CCN5: variants seen among roughly 807,000 people sequenced by gnomAD.
The protein encoded by CCN5 is CCN family member 5.
A neutral mutation model predicts 18.7 loss-of-function variants in CCN5; 17 were observed. The observed-to-expected ratio is 0.91, with a 90% CI of 0.62 to 1.36. The LOEUF (loss-of-function observed/expected upper bound fraction) is 1.36. CCN5 is among the 40% of genes most tolerant of loss of function. The probability of loss-of-function intolerance (pLI) is 0.00; values close to 1 mark genes in which losing one functional copy is unlikely to be tolerated. For missense variants in CCN5, 367 were observed against 342.9 expected (o/e 1.07, Z -0.56); for synonymous variants, 135 against 145.2 (o/e 0.93, Z 0.50).
At position 44,727,176 on chromosome 20, in the gene CCN5, T is replaced by G; in HGVS notation, c.622T>G (p.Cys208Gly). 1 of 1,613,960 alleles carries G rather than the reference T, an allele frequency of 6.2e-7. No individual in the cohort carries two copies. The highest frequency in any genetic ancestry group is 8.5e-7 in the Non-Finnish European group (1 of 1,180,014). The change falls in exon 4 of 4, where the codon TGT becomes GGT. Residue 208 changes from cysteine to glycine, a missense_variant. Cys to Gly is a radical substitution (Grantham distance 159). Coordinates refer to ENST00000190983, the MANE Select transcript of CCN5 (RefSeq NM_003881.4). ...STAWGPCSTT[C>G]GLGMATRVSN... ...GGCCTGGGGACCCTGCTCGACCACCTGTGGGCTGGGCATGGCCACCCGGGT... is the reference window on the plus strand; with the variant it reads ...GGCCTGGGGACCCTGCTCGACCACCGGTGGGCTGGGCATGGCCACCCGGGT...
chr20:44,721,769 G>A (rs2065901720), intron 2 of CCN5, among the ~76,000 whole-genome samples: 1 of 152,136 alleles, frequency 6.6e-6, no homozygotes, highest in South Asian at 2.1e-4. Flanking sequence ...GACACTGAGG[G>A]TTTCACAAAT....
chr20:44,715,444 C>A lies in CCN5; in HGVS notation c.54C>A (p.Leu18=). 1 of 1,594,634 alleles carries A rather than the reference C, an allele frequency of 6.3e-7. No homozygotes were observed. Among genetic ancestry groups the A allele is most frequent in the East Asian group, 2.3e-5 (1 of 44,180 alleles). The part of the protein sequence containing the change: ...HLLAFSLLCL[L]SKVRTQLCPT... ...TGGCCTTCTCCCTCCTCTGCCTCCT[C>A]TCAAAGGTAAGGAGGCCCGGGCCCT... is the stretch of plus-strand genomic sequence containing the variant. Residue 18 remains leucine, a synonymous_variant, in exon 1 of 4, where the codon CTC becomes CTA. Coordinates refer to ENST00000190983, the MANE Select transcript of CCN5 (RefSeq NM_003881.4).
intron 1 of CCN5, among the ~76,000 whole-genome samples, chr20:44,715,776 T>C (rs1378803202): frequency 6.6e-6 from 1 of 152,226 alleles, no homozygotes; most frequent in Non-Finnish European, 1.5e-5. Flanking sequence ...AAGAGGACTT[T>C]AATGTATCCT....
chr20:44,717,894 AAAAAAGAAAG>A lies in CCN5; in HGVS notation c.61-1993_61-1984del, dbSNP rs551595024. On this transcript the variant is annotated intron_variant, in intron 1 of 3. Transcript: ENST00000190983. ...ACTCCATCTCAAAAAAGAAAAAAAA[AAAAAAGAAAG>A]AAAAAGAAAAGAAAATGCAGATTCG... Among the ~76,000 whole-genome samples, 877 of 151,874 alleles carry A rather than the reference AAAAAAGAAAG, an allele frequency of 5.8e-3. 6 individuals carry two copies. Among genetic ancestry groups the A allele is most frequent in the African/African-American group, 0.017 (702 of 41,446 alleles).
intron 1 of CCN5, among the ~76,000 whole-genome samples, 166 bp from the exon 2 acceptor site, chr20:44,719,731 C>T (rs1014994778): frequency 4.6e-5 from 7 of 152,248 alleles, no homozygotes; most frequent in African/African-American, 1.7e-4. Context: ...CATACTGCCT[C>T]TTAGGGCATG....
intron 2 of CCN5, among the ~76,000 whole-genome samples, chr20:44,723,155 C>T (rs2145417677): frequency 6.6e-6 from 1 of 152,188 alleles, no homozygotes; most frequent in East Asian, 2.0e-4. Flanking sequence ...CTTGCTGTTC[C>T]TTAAATACCC....
At chr20:44,718,237 G>A (rs991087971) in intron 1 of CCN5, among the ~76,000 whole-genome samples, 2 of 152,234 alleles carry the variant, frequency 1.3e-5, no homozygotes, top group Admixed American at 6.5e-5. Context: ...CCTAGTGGCC[G>A]GCGTGGGAGT....
At chr20:44,724,571 G>A (rs374845675) in intron 2 of CCN5, 167 bp from the exon 3 acceptor site, 17 of 1,066,564 alleles carry the variant, frequency 1.6e-5, no homozygotes, top group South Asian at 1.3e-4. Context: ...GGGTGCCCCA[G>A]CAGGCTGGTG....
intron 2 of CCN5, among the ~76,000 whole-genome samples, chr20:44,722,750 A>G (rs2065908892): frequency 6.6e-6 from 1 of 152,090 alleles, no homozygotes; most frequent in Non-Finnish European, 1.5e-5. Context: ...CTGGGATTAT[A>G]GGTATGAGCC....
chr20:44,722,938 G>T (rs1047120690), intron 2 of CCN5, among the ~76,000 whole-genome samples: 1 of 152,002 alleles, frequency 6.6e-6, no homozygotes, highest in Non-Finnish European at 1.5e-5. Flanking sequence ...GTTGCCCCTG[G>T]TCTATTCACA....
intron 3 of CCN5, among the ~76,000 whole-genome samples, chr20:44,726,812 C>A (rs114331525): frequency 6.6e-6 from 1 of 152,072 alleles, no homozygotes; most frequent in East Asian, 1.9e-4. Context: ...GACGAGAAAA[C>A]CATGGTTCAC....
At chr20:44,723,174 CT>C (rs772153711) in intron 2 of CCN5, among the ~76,000 whole-genome samples, 1 of 152,132 alleles carries the variant, frequency 6.6e-6, no homozygotes, top group Non-Finnish European at 1.5e-5. Context: ...CCCAGGCACA[CT>C]CGTGCCTCAG....
At chr20:44,716,316 TC>T in intron 1 of CCN5, among the ~76,000 whole-genome samples, 1 of 152,176 alleles carries the variant, frequency 6.6e-6, no homozygotes, top group Non-Finnish European at 1.5e-5. Flanking sequence ...AATGCTGAGT[TC>T]CCAGAGCCAT....
At chr20:44,719,798 G>T (rs919976991) in intron 1 of CCN5, 99 bp from the exon 2 acceptor site, 6 of 1,293,592 alleles carry the variant, frequency 4.6e-6, no homozygotes, top group Non-Finnish European at 5.4e-6. Context: ...CTAAGGTGTG[G>T]ACACCACACT....
intron 1 of CCN5, among the ~76,000 whole-genome samples, chr20:44,719,233 G>A (rs1568878579): frequency 6.6e-6 from 1 of 152,266 alleles, no homozygotes; most frequent in East Asian, 1.9e-4. Context: ...CTGTGCTGAG[G>A]GTTTGCTGTG....
chr20:44,718,078 C>G (rs1230101840), intron 1 of CCN5, among the ~76,000 whole-genome samples: 2 of 152,088 alleles, frequency 1.3e-5, no homozygotes, highest in African/African-American at 4.8e-5. Context: ...TCTGAACAGC[C>G]TGCAGCGATG....
At chr20:44,724,625 A>G in intron 2 of CCN5, 113 bp from the exon 3 acceptor site, 1 of 1,505,908 alleles carries the variant, frequency 6.6e-7, no homozygotes, top group Non-Finnish European at 8.9e-7. Flanking sequence ...AGCCCTGGGC[A>G]GGGCCCAGCT....
chr20:44,723,323 CCCTCT>C (rs2065912981), intron 2 of CCN5, among the ~76,000 whole-genome samples: 1 of 147,778 alleles, frequency 6.8e-6, no homozygotes, highest in African/African-American at 2.5e-5. Flanking sequence ...GGAAGCATAA[CCCTCT>C]CCTGTTTATT....
chr20:44,724,760 T>G lies in CCN5; in HGVS notation c.300T>G (p.Cys100Trp). Residue 100 changes from cysteine to tryptophan, a missense_variant, in exon 3 of 4, where the codon TGT (cysteine) becomes TGG (tryptophan). Coordinates refer to ENST00000190983, the MANE Select transcript of CCN5 (RefSeq NM_003881.4). The stretch of plus-strand genomic sequence containing the variant: ...CAGTGGCAGAGGACGACAGCAGCTG[T>G]GAGGTGAACGGCCGCCTGTATCGGG... ...LCLLAEDDSS[C>W]EVNGRLYREG... The G allele has an allele frequency of 6.2e-7, 1 of 1,612,660 alleles. No homozygotes were observed. The highest frequency in any genetic ancestry group is 8.5e-7 in the Non-Finnish European group (1 of 1,179,824).
Sources: gnomAD v4.1 joint callset for allele counts (sites outside exome capture counted in the v4.1 genomes callset) on GRCh38, gnomAD v4.1.1 for gene constraint, MANE v1.5 for transcripts, NCBI Gene and HGNC (gene_info 2026-07-23, HGNC 2026-07-21) for gene names.